Variants in MIAT observed in about 807,000 individuals in gnomAD.
The protein encoded by MIAT is myocardial infarction associated transcript.
At chr22:26,667,409 C>T (rs1012508565) in intron 5 of MIAT, 16 of 368,462 alleles carry the variant, frequency 4.3e-5, no homozygotes, top group South Asian at 1.7e-4. Context: ...CATGTGTGTG[C>T]GCGTGTATGT....
chr22:26,660,098 A>C (rs9968022), intron 2 of MIAT, among the ~76,000 whole-genome samples: 1,887 of 151,588 alleles, frequency 0.012, 38 homozygotes, highest in African/African-American at 0.044. Context: ...AGCCTCCCAA[A>C]ATGCTGGGAT....
downstream of MIAT, chr22:26,672,748 G>A (rs1931097603): frequency 2.5e-6 from 1 of 399,018 alleles, no homozygotes; most frequent in Non-Finnish European, 4.4e-6. Context: ...CCGGAAGTCA[G>A]AAAGCGGAGC....
downstream of MIAT, chr22:26,669,780 C>T (rs1384560156): frequency 2.5e-6 from 1 of 398,862 alleles, no homozygotes; most frequent in South Asian, 1.3e-4. Context: ...TGGGGTGGCT[C>T]AGGAGTGCTT....
chr22:26,671,953 T>C (rs1203362426), downstream of MIAT: 1 of 398,574 alleles, frequency 2.5e-6, no homozygotes, highest in Non-Finnish European at 4.4e-6. Context: ...GGCAAGACAC[T>C]TGGCTTTGAA....
Position 26,658,191 on chromosome 22 carries a change from C to G in MIAT, n.647-5125C>G, listed in dbSNP as rs556009199. On this transcript the variant is annotated intron_variant and non_coding_transcript_variant, in intron 2 of 5. Transcript: ENST00000643270. Reference sequence around the variant, plus strand: ...ATTCCTTCACTTCCCAGATGTCCGGCGTCAAATTTGGCTCCAAAAGGATGG... The same window carrying G: ...ATTCCTTCACTTCCCAGATGTCCGGGGTCAAATTTGGCTCCAAAAGGATGG... The G allele has an allele frequency of 5.1e-5, 7 of 138,422 alleles. No homozygotes were observed. In the East Asian group the frequency reaches 1.7e-3, roughly 34 times the overall value. The allele number at this position is 138,422 out of a possible 1,614,324, so 8.6% of individuals were successfully genotyped here. A position where few individuals can be genotyped will look rare whatever the true frequency, so the allele number is the denominator to read the frequency against.
chr22:26,646,709 T>C (rs1420934355), exon 1 of MIAT: 3 of 398,544 alleles, frequency 7.5e-6, no homozygotes, highest in African/African-American at 6.2e-5. Flanking sequence ...ATAGCATTTA[T>C]CCCAGAACCT....
chr22:26,660,210 G>A lies in MIAT; in HGVS notation n.647-3106G>A, dbSNP rs1340490358. The stretch of plus-strand genomic sequence containing the variant: ...AAATTGGCTGGGCATGGTGGCTCAC[G>A]CCTGTAATCCTAGCACTTTGGGAAG... On this transcript the variant is annotated intron_variant and non_coding_transcript_variant, in intron 2 of 5. Transcript: ENST00000643270. Among the ~76,000 whole-genome samples the A allele has an allele frequency of 3.3e-5, 5 of 151,396 alleles. No individual in the cohort carries two copies. The East Asian group carries it at 7.8e-4, about 24-fold the overall frequency.
exon 5 of MIAT, chr22:26,667,187 C>A: frequency 2.5e-6 from 1 of 398,608 alleles, no homozygotes; most frequent in Non-Finnish European, 4.4e-6. Flanking sequence ...TCATTCAGCA[C>A]CGGCATGGAC....
chr22:26,666,011 C>G (rs1303453670), exon 4 of MIAT: 1 of 398,612 alleles, frequency 2.5e-6, no homozygotes, highest in Non-Finnish European at 4.4e-6. Flanking sequence ...TTGGACAGGG[C>G]TCCTTGGCCT....
upstream of MIAT, chr22:26,646,429 A>G: frequency 2.5e-6 from 1 of 399,384 alleles, no homozygotes; most frequent in Non-Finnish European, 4.4e-6. Context: ...GGGGGTGGGC[A>G]GGCTGGAGTA....
intron 2 of MIAT, among the ~76,000 whole-genome samples, chr22:26,653,373 C>T (rs1930371910): frequency 6.6e-6 from 1 of 152,172 alleles, no homozygotes; most frequent in African/African-American, 2.4e-5. Flanking sequence ...CAGTGAGCCA[C>T]GGTATCCTCT....
At chr22:26,651,933 C>T (rs2145997955) in intron 2 of MIAT, among the ~76,000 whole-genome samples, 1 of 152,334 alleles carries the variant, frequency 6.6e-6, no homozygotes, top group Non-Finnish European at 1.5e-5. Flanking sequence ...TACTCAGGGC[C>T]ACTGAATCAT....
rs1602366833 is a variant in MIAT, at chr22:26,666,461, C to T, written n.1660C>T. On this transcript the variant is annotated non_coding_transcript_exon_variant, in exon 4 of 6. Transcript: ENST00000643270. ...ATTGCTTCAAACAATGGGTGATTAC[C>T]GTGCACCTTGAGTGAATGTCAAGGC... 8 of 398,622 alleles carry T rather than the reference C, an allele frequency of 2.0e-5. No individual in the cohort carries two copies. In the East Asian group the frequency reaches 2.1e-4, roughly 11 times the overall value. 24.7% of individuals were successfully genotyped at this position (398,622 alleles called of 1,614,324 possible).
chr22:26,655,452 C>T (rs1441360836), intron 2 of MIAT, among the ~76,000 whole-genome samples: 1 of 152,186 alleles, frequency 6.6e-6, no homozygotes, highest in Non-Finnish European at 1.5e-5. Context: ...AAACAATATT[C>T]ACAGAAATGT....
chr22:26,669,544 CCTT>C, exon 6 of MIAT: 1 of 398,632 alleles, frequency 2.5e-6, no homozygotes, highest in Non-Finnish European at 4.4e-6. Flanking sequence ...CCTCATTTAA[CCTT>C]AACCCCTTAA....
chr22:26,668,298 C>G (rs1930923508), exon 6 of MIAT: 1 of 398,576 alleles, frequency 2.5e-6, no homozygotes, highest in African/African-American at 2.1e-5. Context: ...CCCTGAAGAT[C>G]TCATCCTCTT....
exon 1 of MIAT, chr22:26,646,656 G>C (rs1343812772): frequency 2.5e-6 from 1 of 398,562 alleles, no homozygotes; most frequent in African/African-American, 2.1e-5. Context: ...GGGAGAGATT[G>C]TGTGTCCCCG....
chr22:26,659,842 T>C (rs1257438779), intron 2 of MIAT, among the ~76,000 whole-genome samples: 3 of 142,188 alleles, frequency 2.1e-5, no homozygotes, highest in African/African-American at 7.7e-5. Flanking sequence ...CTTTCTTTCT[T>C]TTTTTTTTTT....
chr22:26,653,930 G>C (rs1459534686), intron 2 of MIAT, among the ~76,000 whole-genome samples: 2 of 152,204 alleles, frequency 1.3e-5, no homozygotes, highest in Non-Finnish European at 2.9e-5. Context: ...AGTAGAGACA[G>C]AGTTTCACCA....
Sources: allele counts gnomAD v4.1 joint callset (sites outside exome capture counted in the v4.1 genomes callset), GRCh38; gene constraint gnomAD v4.1.1; transcripts MANE v1.5; gene names NCBI Gene and HGNC (gene_info 2026-07-23, HGNC 2026-07-21).